Variants in PCDH11X observed in about 807,000 individuals in gnomAD.
PCDH11X encodes protocadherin 11 X-linked.
A neutral mutation model predicts 53.3 loss-of-function variants in PCDH11X; 18 were observed. That is an observed-to-expected ratio of 0.34 (90% confidence interval 0.23 to 0.50). The LOEUF (loss-of-function observed/expected upper bound fraction) is 0.50, where lower values mean the gene tolerates loss of function less well. Ranked by LOEUF, PCDH11X falls within the 20% of genes least tolerant of loss-of-function variation. PCDH11X has a pLI of 0.98. For synonymous variants in PCDH11X, 279 were observed against 393.3 expected (o/e 0.71, Z 3.44); for missense variants, 570 against 1,032.4 (o/e 0.55, Z 6.14).
intron 9 of PCDH11X, among the ~76,000 whole-genome samples, chrX:92,389,501 G>A (rs1189479409): frequency 2.7e-5 from 3 of 110,904 alleles, no homozygotes; most frequent in Non-Finnish European, 5.7e-5. Context: ...TGTACATGAC[G>A]TGTTACTAAG....
rs1431971145 is a variant in PCDH11X at position 92,423,148 on chromosome X, C to A, written c.3343+35215C>A. Among the ~76,000 whole-genome samples the A allele has an allele frequency of 4.2e-4, 35 of 83,804 alleles. 8 individuals carry two copies. The highest frequency in any genetic ancestry group is 7.5e-4 in the Non-Finnish European group (26 of 34,796). 72.8% of individuals were successfully genotyped at this position (83,804 alleles called of 115,157 possible). A position where few individuals can be genotyped will look rare whatever the true frequency, so the allele number is the denominator to read the frequency against. Reference sequence around the variant, plus strand: ...TACAGGCTTGAGCCACCGCGCCCAGCCTGATTTTTTTATTATGGCAATTCT... The same window carrying A: ...TACAGGCTTGAGCCACCGCGCCCAGACTGATTTTTTTATTATGGCAATTCT... On this transcript the variant is annotated intron_variant, in intron 9 of 10. Coordinates refer to ENST00000682573, the MANE Select transcript of PCDH11X (RefSeq NM_032968.5).
chrX:92,497,017 A>T (rs2073872116), intron 10 of PCDH11X, among the ~76,000 whole-genome samples: 1 of 112,005 alleles, frequency 8.9e-6, no homozygotes, highest in Non-Finnish European at 1.9e-5. Context: ...GGCAATAGTT[A>T]AAGCGGTAAA....
At chrX:92,392,170 C>T (rs1220659347) in intron 9 of PCDH11X, among the ~76,000 whole-genome samples, 1 of 110,649 alleles carries the variant, frequency 9.0e-6, no homozygotes, top group Non-Finnish European at 1.9e-5. Context: ...CATCTTCCCC[C>T]AAAAAAGTTA....
chrX:92,140,457 AAT>A (rs201622290), intron 6 of PCDH11X, among the ~76,000 whole-genome samples: 4,495 of 111,108 alleles, frequency 0.04, 211 homozygotes, highest in African/African-American at 0.14. Context: ...GCACAGTAAA[AAT>A]ATGTTTTCCA....
At chrX:92,139,223 A>G (rs1273158651) in intron 6 of PCDH11X, among the ~76,000 whole-genome samples, 1 of 104,874 alleles carries the variant, frequency 9.5e-6, no homozygotes. Flanking sequence ...AAAAAAGTCA[A>G]TTTTACTCTA....
chrX:92,556,354 A>G (rs1328978918), intron 10 of PCDH11X, among the ~76,000 whole-genome samples: 2 of 111,682 alleles, frequency 1.8e-5, no homozygotes, highest in Non-Finnish European at 3.8e-5. Flanking sequence ...TCTGCCTGTG[A>G]GCCTGTAAAA....
At chrX:92,170,148 C>T (rs1431953329) in intron 6 of PCDH11X, among the ~76,000 whole-genome samples, 1 of 111,064 alleles carries the variant, frequency 9.0e-6, no homozygotes, top group Admixed American at 9.7e-5. Flanking sequence ...CAAACCCCCT[C>T]AAATTTGAAC....
intron 7 of PCDH11X, among the ~76,000 whole-genome samples, chrX:92,255,204 C>T (rs1198297925): frequency 9.2e-6 from 1 of 108,956 alleles, no homozygotes; most frequent in Non-Finnish European, 1.9e-5. Context: ...TCTTCCATCG[C>T]TGATATCCTT....
At chrX:91,875,859 T>C (rs1196790143) in intron 5 of PCDH11X, among the ~76,000 whole-genome samples, 1 of 110,718 alleles carries the variant, frequency 9.0e-6, no homozygotes, top group Non-Finnish European at 1.9e-5. Flanking sequence ...TTGTGTATTT[T>C]TTTTCCATCT....
At chrX:92,315,815 G>A (rs925302167) in intron 8 of PCDH11X, among the ~76,000 whole-genome samples, 5 of 109,650 alleles carry the variant, frequency 4.6e-5, no homozygotes, top group African/African-American at 1.7e-4. Context: ...GGATTACAGG[G>A]GTGAGCCACC....
intron 5 of PCDH11X, among the ~76,000 whole-genome samples, chrX:91,875,751 G>T (rs1476681995): frequency 9.1e-6 from 1 of 109,621 alleles, no homozygotes; most frequent in East Asian, 2.9e-4. Flanking sequence ...AAATAACATT[G>T]CATTGTTAAT....
chrX:92,339,275 A>C (rs2069694185), intron 8 of PCDH11X, among the ~76,000 whole-genome samples: 1 of 112,448 alleles, frequency 8.9e-6, no homozygotes, highest in Admixed American at 9.4e-5. Flanking sequence ...AAATAAAGAT[A>C]GATTAAATAC....
intron 5 of PCDH11X, among the ~76,000 whole-genome samples, chrX:91,848,482 T>C (rs1390354269): frequency 2.7e-5 from 3 of 111,830 alleles, no homozygotes; most frequent in Non-Finnish European, 5.6e-5. Context: ...TCTTTGTTCA[T>C]CTACATTACA....
intron 10 of PCDH11X, among the ~76,000 whole-genome samples, chrX:92,477,803 A>T (rs192022482): frequency 2.8e-4 from 29 of 103,936 alleles, no homozygotes; most frequent in African/African-American, 1.0e-3. Flanking sequence ...CATTATTTGT[A>T]TTTCTGTGGG....
intron 6 of PCDH11X, among the ~76,000 whole-genome samples, chrX:92,197,462 C>T (rs1189295399): frequency 8.9e-6 from 1 of 111,959 alleles, no homozygotes; most frequent in Non-Finnish European, 1.9e-5. Flanking sequence ...CATCAAGTTA[C>T]ATTTTATATT....
At chrX:92,456,147 T>C (rs1338969252) in intron 9 of PCDH11X, among the ~76,000 whole-genome samples, 1 of 111,755 alleles carries the variant, frequency 8.9e-6, no homozygotes, top group Non-Finnish European at 1.9e-5. Flanking sequence ...CGGGGATATA[T>C]ATTTTTCATC....
intron 6 of PCDH11X, among the ~76,000 whole-genome samples, chrX:92,042,519 A>G (rs2063223900): frequency 9.4e-6 from 1 of 106,190 alleles, no homozygotes; most frequent in Non-Finnish European, 1.9e-5. Context: ...AGAGTAACAT[A>G]CATACATTAA....
chrX:92,002,262 G>A (rs2062523446), intron 6 of PCDH11X, among the ~76,000 whole-genome samples: 1 of 108,952 alleles, frequency 9.2e-6, no homozygotes. Flanking sequence ...TGATCTATGT[G>A]TCTGTTTTCA....
intron 6 of PCDH11X, among the ~76,000 whole-genome samples, chrX:92,068,147 T>A (rs988159382): frequency 2.4e-4 from 26 of 109,605 alleles, no homozygotes; most frequent in Non-Finnish European, 4.7e-4. Flanking sequence ...TCATTTCAAG[T>A]TCATTTAATT....
Sources: gnomAD v4.1 joint callset for allele counts (sites outside exome capture counted in the v4.1 genomes callset) on GRCh38, gnomAD v4.1.1 for gene constraint, MANE v1.5 for transcripts, NCBI Gene and HGNC (gene_info 2026-07-23, HGNC 2026-07-21) for gene names.